KCNT2: variants seen among roughly 807,000 people sequenced by gnomAD.
KCNT2 encodes the protein potassium sodium-activated channel subfamily T member 2.
KCNT2 carries 67 observed loss-of-function variants against 153.8 expected under a neutral mutation model. That is an observed-to-expected ratio of 0.44 (90% CI 0.36 to 0.53). KCNT2 has a LOEUF of 0.53. Ranked by LOEUF, KCNT2 falls within the 20% of genes least tolerant of loss-of-function variation. The pLI, the probability that KCNT2 is intolerant of heterozygous loss-of-function variation, is 0.00. For synonymous variants in KCNT2, 500 were observed against 458.8 expected, an observed-to-expected ratio of 1.09 and a Z score of -1.15; for missense variants, 975 against 1,354.8, an observed-to-expected ratio of 0.72 and a Z score of 4.40.
intron 14 of KCNT2, among the ~76,000 whole-genome samples, chr1:196,348,159 T>C (rs1666297324): frequency 6.6e-6 from 1 of 152,038 alleles, no homozygotes; most frequent in Admixed American, 6.6e-5. Context: ...AGAATAATGT[T>C]TAGGTCTAAT....
At chr1:196,398,456 T>C (rs377287540) in intron 13 of KCNT2, 107 bp downstream of exon 13, 203 of 566,096 alleles carry the variant, frequency 3.6e-4, no homozygotes, top group African/African-American at 3.4e-3. Flanking sequence ...TTCAGTTCTT[T>C]AGAATCTTGA....
intron 1 of KCNT2, among the ~76,000 whole-genome samples, chr1:196,542,064 G>A (rs1656451241): frequency 6.6e-6 from 1 of 151,716 alleles, no homozygotes; most frequent in African/African-American, 2.4e-5. Flanking sequence ...AAGAGATTTA[G>A]ATAAAAGTTA....
At chr1:196,500,205 G>GGA (rs1209616983) in intron 1 of KCNT2, among the ~76,000 whole-genome samples, 58 of 129,698 alleles carry the variant, frequency 4.5e-4, no homozygotes, top group Admixed American at 1.4e-3. Flanking sequence ...GGAAGGAGGG[G>GGA]GAGAGAGAGA....
intron 1 of KCNT2, among the ~76,000 whole-genome samples, chr1:196,592,168 T>C (rs1572917557): frequency 6.6e-6 from 1 of 151,968 alleles, no homozygotes; most frequent in Admixed American, 6.6e-5. Context: ...TACACAATGG[T>C]GTACTATTCA....
At chr1:196,501,796 T>C (rs1318974808) in intron 1 of KCNT2, among the ~76,000 whole-genome samples, 1 of 152,098 alleles carries the variant, frequency 6.6e-6, no homozygotes, top group Non-Finnish European at 1.5e-5. Flanking sequence ...AATAAACAAG[T>C]AAGCCTCCTA....
intron 5 of KCNT2, among the ~76,000 whole-genome samples, chr1:196,475,444 C>T (rs1196476464): frequency 6.6e-6 from 1 of 151,922 alleles, no homozygotes; most frequent in Non-Finnish European, 1.5e-5. Flanking sequence ...ATAGCAAAAC[C>T]CCATCTCTTA....
chr1:196,451,287 G>C (rs1337980850), intron 8 of KCNT2, among the ~76,000 whole-genome samples: 1 of 116,502 alleles, frequency 8.6e-6, no homozygotes, highest in Non-Finnish European at 1.6e-5. Flanking sequence ...CTGTTGCCCA[G>C]GCTGGAGTAC....
intron 1 of KCNT2, among the ~76,000 whole-genome samples, chr1:196,568,132 A>C (rs376594547): frequency 6.6e-6 from 1 of 152,156 alleles, no homozygotes; most frequent in South Asian, 2.1e-4. Flanking sequence ...ACGGTCCCCA[A>C]CCTTTTTGGC....
intron 2 of KCNT2, among the ~76,000 whole-genome samples, 172 bp from the exon 3 acceptor site, chr1:196,490,109 T>C (rs530959919): frequency 6.6e-6 from 1 of 152,028 alleles, no homozygotes; most frequent in Non-Finnish European, 1.5e-5. Flanking sequence ...TTTAATTACC[T>C]GAATATTGAA....
At chr1:196,307,237 C>T (rs776706684) in intron 21 of KCNT2, among the ~76,000 whole-genome samples, 27 of 152,072 alleles carry the variant, frequency 1.8e-4, no homozygotes, top group African/African-American at 6.3e-4. Flanking sequence ...TTAGTTAAAT[C>T]GGTTATTACT....
chr1:196,556,640 A>G (rs1175103843), intron 1 of KCNT2, among the ~76,000 whole-genome samples: 4 of 151,524 alleles, frequency 2.6e-5, no homozygotes, highest in Non-Finnish European at 5.9e-5. Context: ...GTATATACCC[A>G]AAAGAAAGGG....
chr1:196,423,774 A>G (rs1673413917), intron 11 of KCNT2, among the ~76,000 whole-genome samples: 1 of 151,852 alleles, frequency 6.6e-6, no homozygotes, highest in African/African-American at 2.4e-5. Flanking sequence ...GAAATATAAA[A>G]GTCCTTGAAA....
chr1:196,249,549 G>A (rs933351026), intron 26 of KCNT2, among the ~76,000 whole-genome samples: 25 of 152,114 alleles, frequency 1.6e-4, no homozygotes, highest in African/African-American at 6.0e-4. Context: ...AAGGCGGGAG[G>A]ATCACCTGAG....
chr1:196,375,402 T>G (rs1553305009), intron 13 of KCNT2, among the ~76,000 whole-genome samples: 1 of 151,886 alleles, frequency 6.6e-6, no homozygotes, highest in Non-Finnish European at 1.5e-5. Context: ...CTTTGTACAC[T>G]GAATTATCTA....
At chr1:196,281,760 AT>A (rs1227959527) in intron 24 of KCNT2, among the ~76,000 whole-genome samples, 4,898 of 141,352 alleles carry the variant, frequency 0.035, 114 homozygotes, top group African/African-American at 0.079. Context: ...TTCATTCAAC[AT>A]TTTTTTTTTT....
chr1:196,418,077 T>C (rs996418120), intron 12 of KCNT2, among the ~76,000 whole-genome samples: 1 of 152,170 alleles, frequency 6.6e-6, no homozygotes, highest in Admixed American at 6.6e-5. Context: ...ATTTCCAATC[T>C]TGAATGATCT....
At chr1:196,248,375 G>A (rs1420485914) in intron 26 of KCNT2, among the ~76,000 whole-genome samples, 1 of 151,654 alleles carries the variant, frequency 6.6e-6, no homozygotes, top group Non-Finnish European at 1.5e-5. Context: ...TTTTTGATAA[G>A]ATAAACAAAA....
intron 12 of KCNT2, among the ~76,000 whole-genome samples, chr1:196,410,078 T>C (rs989123068): frequency 6.6e-6 from 1 of 151,754 alleles, no homozygotes; most frequent in Non-Finnish European, 1.5e-5. Context: ...TGATACTTGT[T>C]GGCCACTTGT....
chr1:196,406,592 CAAAA>C (rs11357087), intron 12 of KCNT2, among the ~76,000 whole-genome samples: 1 of 135,468 alleles, frequency 7.4e-6, no homozygotes, highest in Non-Finnish European at 1.6e-5. Flanking sequence ...ACATCAAAGT[CAAAA>C]AAAAAAAAAA....
Sources: allele counts gnomAD v4.1 joint callset (sites outside exome capture counted in the v4.1 genomes callset), GRCh38; gene constraint gnomAD v4.1.1; transcripts MANE v1.5; gene names NCBI Gene and HGNC (gene_info 2026-07-23, HGNC 2026-07-21).